SYNE1: variants seen among roughly 807,000 people sequenced by gnomAD.
The protein encoded by SYNE1 is nesprin-1.
In SYNE1, 616 loss-of-function variants were observed where a neutral mutation model predicts 1,111.0. The observed-to-expected ratio is 0.55, with a 90% CI of 0.52 to 0.59. SYNE1 has a LOEUF of 0.59. Ranked by LOEUF, SYNE1 falls within the 20% of genes least tolerant of loss-of-function variation. The probability of loss-of-function intolerance (pLI) is 0.00; values close to 1 mark genes in which losing one functional copy is unlikely to be tolerated. For missense variants in SYNE1, 10,006 were observed against 10,417.0 expected (o/e 0.96, Z 1.72); for synonymous variants, 3,855 against 3,825.8 (o/e 1.01, Z -0.28).
chr6:152,404,116 TAC>T (rs1554635551), intron 46 of SYNE1, 95 bp downstream of exon 46: 29,370 of 550,202 alleles, frequency 0.053, 426 homozygotes, highest in South Asian at 0.095. Flanking sequence ...TATATATATA[TAC>T]ACACACACAC....
At position 152,206,259 on chromosome 6, in the gene SYNE1, A is replaced by C. The variant is rs2076487173; in HGVS notation, c.22928T>G (p.Leu7643Trp). 1.2e-6 allele frequency: 2 copies of C among 1,613,948 alleles called. No homozygotes were observed. The highest frequency in any genetic ancestry group is 4.5e-5 in the East Asian group (2 of 44,858). ...LSADSGAEAA[L>W]QAELAEIQEK... ...TTGGATTTCAGCGAGTTCGGCCTGC[A>C]AGGCGGCCTCAGCGCCACTGTCCGC... Residue 7643 changes from leucine (L) to tryptophan (W), a missense_variant, in exon 126 of 146, where the codon TTG becomes TGG. Around this residue, in one of 7 missense-constraint regions of SYNE1, gnomAD observed 2,182 missense variants for 2,287.8 expected, o/e 0.95. Transcript: ENST00000367255.
chr6:152,307,977 C>T (rs147866254), intron 91 of SYNE1, among the ~76,000 whole-genome samples: 311 of 152,126 alleles, frequency 2.0e-3, no homozygotes, highest in Non-Finnish European at 3.6e-3. Context: ...GGATTACAGG[C>T]GCATGCCACC....
Position 152,244,671 on chromosome 6 carries a change from T to G in SYNE1, c.19573-15A>C. 6.2e-7 allele frequency: 1 copy of G among 1,613,790 alleles called. No individual in the cohort carries two copies. Among genetic ancestry groups the G allele is most frequent in the South Asian group, 1.1e-5 (1 of 91,082 alleles). On this transcript the variant is annotated splice_polypyrimidine_tract_variant and intron_variant, in intron 105 of 145. Coordinates refer to ENST00000367255, the MANE Select transcript of SYNE1 (RefSeq NM_182961.4). ...TGTTGTATTGCCTAAGTAAGATCCA[T>G]GACATTTTATTAAAACTCCCATGAA...
chr6:152,582,420 T>C (rs1322513), intron 3 of SYNE1, among the ~76,000 whole-genome samples: 1 of 152,118 alleles, frequency 6.6e-6, no homozygotes, highest in Non-Finnish European at 1.5e-5. Flanking sequence ...TATGTGTATA[T>C]ATACATGTGT....
intron 78 of SYNE1, among the ~76,000 whole-genome samples, chr6:152,327,124 C>T (rs2096089520): frequency 6.6e-6 from 1 of 152,082 alleles, no homozygotes; most frequent in South Asian, 2.1e-4. Flanking sequence ...GAAACCGTGT[C>T]TCTACTAAAA....
In SYNE1 at chr6:152,145,287, C is replaced by T. The variant is rs2813485; in HGVS notation, c.24977-1522G>A. 0.35 allele frequency: 219,285 copies of T among 630,928 alleles called. 39,695 individuals carry two copies. The highest frequency in any genetic ancestry group is 0.48 in the Admixed American group (19,039 of 39,616). The allele number at this position is 630,928 out of a possible 1,614,324, so 39.1% of individuals were successfully genotyped here. A position where few individuals can be genotyped will look rare whatever the true frequency, so the allele number is the denominator to read the frequency against. On this transcript the variant is annotated intron_variant, in intron 137 of 145. Transcript: ENST00000367255. ...CACCATTTAACAAGTTGAGAAGTTACTTTATTTCGCTCAATTAGTGAAATC... is the reference window on the plus strand; with the variant it reads ...CACCATTTAACAAGTTGAGAAGTTATTTTATTTCGCTCAATTAGTGAAATC...
At chr6:152,168,939 C>T (rs41292866) in intron 130 of SYNE1, among the ~76,000 whole-genome samples, 15,380 of 151,858 alleles carry the variant, frequency 0.1, 902 homozygotes, top group Admixed American at 0.16. Flanking sequence ...CTTCAGGTAA[C>T]TCTTTTTCTT....
chr6:152,504,040 G>A (rs1181929351), intron 9 of SYNE1, among the ~76,000 whole-genome samples: 5 of 152,090 alleles, frequency 3.3e-5, no homozygotes, highest in African/African-American at 1.2e-4. Flanking sequence ...GGCAACCTCA[G>A]TTTCTAATCA....
Position 152,239,520 on chromosome 6 carries a change from T to A in SYNE1, c.20067+13A>T. On this transcript the variant is annotated intron_variant, in intron 108 of 145. Transcript: ENST00000367255. ...AGTTTGCAGCACAGAAGATATGACA[T>A]CAATGGTCTCACCTCTAGAATGTAC... 6.2e-7 allele frequency: 1 copy of A among 1,614,132 alleles called. No homozygotes were observed. Among genetic ancestry groups the A allele is most frequent in the Non-Finnish European group, 8.5e-7 (1 of 1,180,002 alleles).
chr6:152,369,090 A>C lies in SYNE1; in HGVS notation c.9689T>G (p.Leu3230Arg). 6.2e-7 allele frequency: 1 copy of C among 1,614,016 alleles called. No individual in the cohort carries two copies. The highest frequency in any genetic ancestry group is 1.1e-5 in the South Asian group (1 of 91,076). The change falls in exon 61 of 146, where the codon CTC (leucine) becomes CGC (arginine). Residue 3230 changes from leucine (L) to arginine (R), a missense_variant. Around this residue, in one of 7 missense-constraint regions of SYNE1, gnomAD observed 4,955 missense variants for 5,017.2 expected, o/e 0.99. Coordinates refer to ENST00000367255, the MANE Select transcript of SYNE1 (RefSeq NM_182961.4). ...LEEIHCYEPQLNRLKEKAQQL... is the reference protein window; with the variant it reads ...LEEIHCYEPQRNRLKEKAQQL... ...CTGAGCTTTCTCTTTCAGCCTGTTG[A>C]GCTGAGGCTCGTAGCAGTGTATTTC...
intron 39 of SYNE1, among the ~76,000 whole-genome samples, chr6:152,420,589 C>T (rs566041060): frequency 5.9e-5 from 9 of 152,260 alleles, no homozygotes; most frequent in African/African-American, 1.9e-4. Flanking sequence ...CACTGCACTC[C>T]AGCCTGGGTG....
chr6:152,363,004 C>T (rs1001404934), intron 63 of SYNE1, among the ~76,000 whole-genome samples: 7 of 151,108 alleles, frequency 4.6e-5, no homozygotes, highest in Non-Finnish European at 7.4e-5. Context: ...CCTCAGCCGC[C>T]CGAGTAGCTG....
At chr6:152,263,617 T>C (rs2092347828) in intron 100 of SYNE1, among the ~76,000 whole-genome samples, 1 of 151,896 alleles carries the variant, frequency 6.6e-6, no homozygotes, top group African/African-American at 2.4e-5. Context: ...CAGGCTGGTC[T>C]GGAACTCCTG....
chr6:152,551,742 C>T (rs1441529583), intron 3 of SYNE1, among the ~76,000 whole-genome samples: 1 of 152,204 alleles, frequency 6.6e-6, no homozygotes, highest in Non-Finnish European at 1.5e-5. Flanking sequence ...GCCTTCACAT[C>T]TAAGAGTTTT....
At chr6:152,276,030 C>CTTTT (rs749642435) in intron 98 of SYNE1, among the ~76,000 whole-genome samples, 28 of 84,008 alleles carry the variant, frequency 3.3e-4, no homozygotes, top group East Asian at 6.1e-4. Context: ...TTCTCGACTT[C>CTTTT]TTTTTTTTTT....
chr6:152,391,169 A>G, intron 52 of SYNE1, 108 bp downstream of exon 52: 1 of 1,548,326 alleles, frequency 6.5e-7, no homozygotes, highest in Non-Finnish European at 8.8e-7. Context: ...TGCCCACACA[A>G]TCCTCATTTA....
At chr6:152,133,092 C>T (rs761781577) in intron 143 of SYNE1, among the ~76,000 whole-genome samples, 184 bp downstream of exon 143, 15 of 152,114 alleles carry the variant, frequency 9.9e-5, no homozygotes, top group Admixed American at 2.0e-4. Context: ...AAAGCAGTGT[C>T]CTGTTGTAAA....
intron 3 of SYNE1, among the ~76,000 whole-genome samples, chr6:152,566,806 A>G (rs576666513): frequency 2.0e-4 from 30 of 152,234 alleles, no homozygotes; most frequent in Non-Finnish European, 3.4e-4. Flanking sequence ...TCTCGGGTAG[A>G]ATAACAATCC....
rs2099078007 is a variant in SYNE1 at position 152,510,189 on chromosome 6, T to G, written c.581+4A>C. Reference sequence around the variant, plus strand: ...TCAAATTTAGACAAACTCTTGATACTTACTTGCCAGCTGTGTACTGAACCC... The same window carrying G: ...TCAAATTTAGACAAACTCTTGATACGTACTTGCCAGCTGTGTACTGAACCC... On this transcript the variant is annotated splice_donor_region_variant and intron_variant, in intron 8 of 145. Coordinates refer to ENST00000367255, the MANE Select transcript of SYNE1 (RefSeq NM_182961.4). 1.2e-6 allele frequency: 2 copies of G among 1,613,802 alleles called. No individual in the cohort carries two copies. Among genetic ancestry groups the G allele is most frequent in the South Asian group, 2.2e-5 (2 of 91,066 alleles).
Sources: gnomAD v4.1 joint callset for allele counts (sites outside exome capture counted in the v4.1 genomes callset) on GRCh38, gnomAD v4.1.1 for gene constraint, gnomAD v4.1.1 regional missense constraint, MANE v1.5 for transcripts, NCBI Gene and HGNC (gene_info 2026-07-23, HGNC 2026-07-21) for gene names.